ADH1C: variants seen among roughly 807,000 people sequenced by gnomAD.
The protein encoded by ADH1C is alcohol dehydrogenase 1C (class I), gamma polypeptide, also known as alcohol dehydrogenase 1C.
Under a neutral mutation model 35.0 loss-of-function variants are expected in ADH1C, and 26 were observed. The ratio of observed to expected loss-of-function variants is 0.74; its 90% confidence interval spans 0.54 to 1.03. ADH1C has a LOEUF of 1.03. Among genes scored for constraint, ADH1C ranks in the 50% least tolerant of loss-of-function variants. The pLI is 0.00. For synonymous variants in ADH1C, 170 were observed against 169.3 expected (o/e 1.00, Z -0.03); for missense variants, 413 against 465.4 (o/e 0.89, Z 1.04).
Position 99,346,995 on chromosome 4 carries a change from G to T in ADH1C, c.259+11C>A, listed in dbSNP as rs764059660. The T allele has an allele frequency of 1.2e-6, 2 of 1,612,560 alleles. No homozygotes were observed. Among genetic ancestry groups the T allele is most frequent in the South Asian group, 1.1e-5 (1 of 90,842 alleles). On this transcript the variant is annotated intron_variant, in intron 3 of 8. Coordinates refer to ENST00000515683, the MANE Select transcript of ADH1C (RefSeq NM_000669.5). ...GAACCAAGGCATGTTCCCTGAGTGT[G>T]AATCCTGTACCTGGTTTGACTGTAG... is the stretch of plus-strand genomic sequence containing the variant.
intron 8 of ADH1C, among the ~76,000 whole-genome samples, chr4:99,338,437 A>G (rs1734334040): frequency 1.7e-5 from 1 of 57,444 alleles, no homozygotes; most frequent in South Asian, 4.2e-4. Flanking sequence ...ATATATATAT[A>G]TATATATACA....
At chr4:99,350,946 T>G (rs1734662488) in intron 1 of ADH1C, 1 of 152,250 alleles carries the variant, frequency 6.6e-6, no homozygotes, top group Non-Finnish European at 1.5e-5. Flanking sequence ...GAGACCAGCC[T>G]GACCAACATG....
chr4:99,350,551 T>A (rs1734650467), intron 1 of ADH1C, among the ~76,000 whole-genome samples: 1 of 152,218 alleles, frequency 6.6e-6, no homozygotes. Context: ...TTCATCCAAG[T>A]GGCTGCAAAG....
intron 5 of ADH1C, among the ~76,000 whole-genome samples, chr4:99,343,702 A>T (rs1016780131): frequency 6.6e-6 from 1 of 152,222 alleles, no homozygotes; most frequent in Non-Finnish European, 1.5e-5. Context: ...ATCTGTTGTT[A>T]TGAGTATCCT....
chr4:99,347,386 T>C (rs1734561057), intron 2 of ADH1C, among the ~76,000 whole-genome samples: 1 of 152,184 alleles, frequency 6.6e-6, no homozygotes, highest in South Asian at 2.1e-4. Context: ...ATCCTAAAAT[T>C]TTTGTCTTGT....
At chr4:99,340,433 G>T in intron 7 of ADH1C, 142 bp downstream of exon 7, 1 of 1,015,500 alleles carries the variant, frequency 9.8e-7, no homozygotes, top group Non-Finnish European at 1.4e-6. Context: ...AAAAAGAAAA[G>T]TTCTGCATTA....
Position 99,340,607 on chromosome 4 carries a change from G to T in ADH1C, c.932C>A (p.Thr311Asn), listed in dbSNP as rs369383827. The T allele has an allele frequency of 3.7e-6, 6 of 1,613,978 alleles. No individual in the cohort carries two copies. The African/African-American group carries it at 8.0e-5, about 22-fold the overall frequency. Residue 311 changes from threonine (T) to asparagine (N), a missense_variant, in exon 7 of 9, where the codon ACT (threonine) becomes AAT (asparagine). By Grantham distance (65) the Thr-to-Asn change is moderately conservative (BLOSUM62 0). Coordinates refer to ENST00000515683, the MANE Select transcript of ADH1C (RefSeq NM_000669.5). Reference sequence around the variant, plus strand: ...AATAGCTCCTTTCCACGTGCGTCCAGTCAGTAGCAGCATAGGGTTTATTGA... The same window carrying T: ...AATAGCTCCTTTCCACGTGCGTCCATTCAGTAGCAGCATAGGGTTTATTGA... ...NLSINPMLLL[T>N]GRTWKGAIFG... is the part of the protein sequence containing the mutation.
intron 1 of ADH1C, among the ~76,000 whole-genome samples, chr4:99,351,707 A>C (rs943695164): frequency 6.6e-6 from 1 of 152,216 alleles, no homozygotes; most frequent in Non-Finnish European, 1.5e-5. Context: ...CGCACAGCAT[A>C]AAGGTAAGCC....
Position 99,336,625 on chromosome 4 carries a change from C to G in ADH1C, c.*127G>C. 8.6e-7 allele frequency: 1 copy of G among 1,165,886 alleles called. No homozygotes were observed. Among genetic ancestry groups the G allele is most frequent in the Admixed American group, 2.3e-5 (1 of 43,442 alleles). The allele number at this position is 1,165,886 out of a possible 1,614,324, so 72.2% of individuals were successfully genotyped here. ...CATCAATTTCCATTTCTTTGGAAAG[C>G]TCCCACGTGTAATTTATTTTTAACA... On this transcript the variant is annotated 3_prime_UTR_variant, in exon 9 of 9. Coordinates refer to ENST00000515683, the MANE Select transcript of ADH1C (RefSeq NM_000669.5).
chr4:99,342,010 CAAAA>C (rs33982136), intron 6 of ADH1C, among the ~76,000 whole-genome samples: 1 of 138,626 alleles, frequency 7.2e-6, no homozygotes, highest in Non-Finnish European at 1.5e-5. Flanking sequence ...GACCCTGTCT[CAAAA>C]AAAAAAAAAA....
intron 3 of ADH1C, among the ~76,000 whole-genome samples, chr4:99,346,054 C>T (rs1734523154): frequency 6.6e-6 from 1 of 151,860 alleles, no homozygotes; most frequent in Admixed American, 6.6e-5. Flanking sequence ...AGCTAAAACT[C>T]AAATTGGACA....
chr4:99,349,141 A>G (rs1270300404), intron 1 of ADH1C, among the ~76,000 whole-genome samples: 2 of 140,846 alleles, frequency 1.4e-5, no homozygotes, highest in Admixed American at 7.2e-5. Context: ...ATTAGATCCC[A>G]TTTGTCAATT....
intron 5 of ADH1C, among the ~76,000 whole-genome samples, chr4:99,343,912 T>G (rs997598623): frequency 6.6e-6 from 1 of 152,216 alleles, no homozygotes; most frequent in African/African-American, 2.4e-5. Flanking sequence ...CTGTTCCAAA[T>G]AATCTCATTC....
At position 99,336,644 on chromosome 4, in the gene ADH1C, T is replaced by C; in HGVS notation, c.*108A>G. On this transcript the variant is annotated 3_prime_UTR_variant, in exon 9 of 9. Coordinates refer to ENST00000515683, the MANE Select transcript of ADH1C (RefSeq NM_000669.5). ...GGAAAGCTCCCACGTGTAATTTATT[T>C]TTAACATCTCTGAAGAGCAGAATTA... 1 of 1,374,166 alleles carries C rather than the reference T, an allele frequency of 7.3e-7. No individual in the cohort carries two copies. Among genetic ancestry groups the C allele is most frequent in the South Asian group, 1.2e-5 (1 of 80,322 alleles). The allele number at this position is 1,374,166 out of a possible 1,614,324, so 85.1% of individuals were successfully genotyped here. A position where few individuals can be genotyped will look rare whatever the true frequency, so the allele number is the denominator to read the frequency against.
At chr4:99,349,724 A>T (rs981037505) in intron 1 of ADH1C, among the ~76,000 whole-genome samples, 9 of 152,006 alleles carry the variant, frequency 5.9e-5, no homozygotes, top group Admixed American at 2.0e-4. Context: ...TGTTCATCTA[A>T]TTTATGTGCA....
chr4:99,344,156 C>A (rs769126975), intron 5 of ADH1C, among the ~76,000 whole-genome samples: 1 of 152,152 alleles, frequency 6.6e-6, no homozygotes, highest in Non-Finnish European at 1.5e-5. Flanking sequence ...GGGCAAATAT[C>A]TTTATATCTC....
chr4:99,345,807 G>GT (rs1734518408), intron 3 of ADH1C, among the ~76,000 whole-genome samples: 1 of 152,108 alleles, frequency 6.6e-6, no homozygotes. Flanking sequence ...AAAGATCTTA[G>GT]TTCTTTTTTG....
chr4:99,342,010 CA>C (rs33982136), intron 6 of ADH1C, among the ~76,000 whole-genome samples: 72,945 of 138,216 alleles, frequency 0.53, 20,633 homozygotes, highest in East Asian at 0.75. Context: ...GACCCTGTCT[CA>C]AAAAAAAAAA....
At chr4:99,347,378 C>A (rs1242129250) in intron 2 of ADH1C, among the ~76,000 whole-genome samples, 1 of 152,008 alleles carries the variant, frequency 6.6e-6, no homozygotes, top group African/African-American at 2.4e-5. Flanking sequence ...GATAATTGAT[C>A]CTAAAATTTT....
Sources: allele counts gnomAD v4.1 joint callset (sites outside exome capture counted in the v4.1 genomes callset), GRCh38; gene constraint gnomAD v4.1.1; transcripts MANE v1.5; gene names NCBI Gene and HGNC (gene_info 2026-07-23, HGNC 2026-07-21).